The following NCAM1 variants were observed in gnomAD, a reference collection of about 807,000 sequenced individuals.
The protein encoded by NCAM1 is neural cell adhesion molecule 1, also known as antigen recognized by monoclonal antibody 5.1H11.
NCAM1 carries 14 observed loss-of-function variants against 109.8 expected under a neutral mutation model. The ratio of observed to expected loss-of-function variants is 0.13; its 90% CI spans 0.08 to 0.20. The LOEUF (loss-of-function observed/expected upper bound fraction) is 0.20, where lower values mean the gene tolerates loss of function less well. Ranked by LOEUF, NCAM1 falls within the 10% of genes least tolerant of loss-of-function variation. NCAM1 has a pLI of 1.00. For missense variants in NCAM1, 774 were observed against 1,109.9 expected, an observed-to-expected ratio of 0.70 and a Z score of 4.30; for synonymous variants, 418 against 442.9, an observed-to-expected ratio of 0.94 and a Z score of 0.70.
intron 1 of NCAM1, among the ~76,000 whole-genome samples, chr11:113,194,857 A>C (rs1259340910): frequency 6.6e-6 from 1 of 152,166 alleles, no homozygotes; most frequent in Non-Finnish European, 1.5e-5. Flanking sequence ...GCTTCGTTAT[A>C]AACTTAGTTG....
chr11:113,052,032 T>A (rs565619086), intron 1 of NCAM1, among the ~76,000 whole-genome samples: 26 of 152,324 alleles, frequency 1.7e-4, no homozygotes, highest in African/African-American at 6.3e-4. Context: ...CTGTGTAGCA[T>A]CCAGGTGCAA....
At chr11:113,001,237 G>A (rs879998676) in intron 1 of NCAM1, among the ~76,000 whole-genome samples, 1 of 152,164 alleles carries the variant, frequency 6.6e-6, no homozygotes, top group Non-Finnish European at 1.5e-5. Flanking sequence ...ACTGTGAACA[G>A]CAAGCATGTA....
intron 1 of NCAM1, among the ~76,000 whole-genome samples, chr11:113,141,353 C>T (rs1555100360): frequency 2.0e-5 from 3 of 152,100 alleles, no homozygotes; most frequent in South Asian, 4.1e-4. Context: ...TGAAGCTGGC[C>T]GGGTGCAATG....
intron 1 of NCAM1, among the ~76,000 whole-genome samples, chr11:113,008,437 C>T (rs1328760697): frequency 3.3e-5 from 5 of 152,224 alleles, no homozygotes; most frequent in Non-Finnish European, 7.3e-5. Context: ...GCAGGATTAA[C>T]AATGACTCAT....
At chr11:113,262,062 T>C (rs1946019727) in intron 17 of NCAM1, among the ~76,000 whole-genome samples, 1 of 151,902 alleles carries the variant, frequency 6.6e-6, no homozygotes, top group Non-Finnish European at 1.5e-5. Context: ...TCTGAGAAGG[T>C]GGTGGCTGTG....
intron 14 of NCAM1, chr11:113,236,193 C>A: frequency 1.8e-6 from 2 of 1,140,806 alleles, no homozygotes; most frequent in Non-Finnish European, 2.6e-6. Flanking sequence ...GTTTCCAGCT[C>A]CATGTGCTCT....
At chr11:113,086,620 T>C (rs1565427850) in intron 1 of NCAM1, among the ~76,000 whole-genome samples, 1 of 152,274 alleles carries the variant, frequency 6.6e-6, no homozygotes, top group East Asian at 1.9e-4. Flanking sequence ...CATTTCACTG[T>C]CTCTTATTTA....
intron 1 of NCAM1, among the ~76,000 whole-genome samples, chr11:113,078,972 C>T (rs554662644): frequency 1.3e-5 from 2 of 152,284 alleles, no homozygotes; most frequent in South Asian, 2.1e-4. Flanking sequence ...CCGAGCCGGG[C>T]TGGCTACTGG....
chr11:113,232,570 T>C, intron 11 of NCAM1, 148 bp from the exon 12 acceptor site: 1 of 806,306 alleles, frequency 1.2e-6, no homozygotes, highest in South Asian at 1.8e-5. Context: ...CCCTCTGCTA[T>C]TCTTTTCTCT....
chr11:113,040,502 G>T (rs1264389419), intron 1 of NCAM1, among the ~76,000 whole-genome samples: 1 of 152,190 alleles, frequency 6.6e-6, no homozygotes, highest in Non-Finnish European at 1.5e-5. Context: ...CACAAAAGTA[G>T]CCATAGACAA....
At chr11:113,275,226 G>C in intron 19 of NCAM1, 41 bp from the exon 20 acceptor site, 1 of 1,611,434 alleles carries the variant, frequency 6.2e-7, no homozygotes, top group Non-Finnish European at 8.5e-7. Flanking sequence ...GATGTCTGCA[G>C]ACCGTGGTCT....
chr11:113,079,857 G>A (rs1198488996), intron 1 of NCAM1, among the ~76,000 whole-genome samples: 5 of 152,206 alleles, frequency 3.3e-5, no homozygotes, highest in South Asian at 4.1e-4. Flanking sequence ...AAACTATTTC[G>A]AGATTGGCAT....
At chr11:113,220,851 T>C (rs183071135) in intron 8 of NCAM1, among the ~76,000 whole-genome samples, 2,044 of 152,090 alleles carry the variant, frequency 0.013, 30 homozygotes, top group African/African-American at 0.039. Context: ...CCTCGTGATC[T>C]GCCTGCCTCG....
chr11:113,166,026 T>A (rs546240294), intron 1 of NCAM1, among the ~76,000 whole-genome samples: 1 of 151,732 alleles, frequency 6.6e-6, no homozygotes, highest in Admixed American at 6.6e-5. Flanking sequence ...AGAGACGGGG[T>A]TTCACCGTGT....
At chr11:112,965,896 G>C (rs969769165) in intron 1 of NCAM1, among the ~76,000 whole-genome samples, 5 of 152,126 alleles carry the variant, frequency 3.3e-5, no homozygotes, top group African/African-American at 1.2e-4. Context: ...ATGGAGAGCA[G>C]AACCAATTGG....
chr11:113,139,886 C>T (rs1356011600), intron 1 of NCAM1, among the ~76,000 whole-genome samples: 1 of 152,150 alleles, frequency 6.6e-6, no homozygotes, highest in African/African-American at 2.4e-5. Context: ...TAAAGAGGCT[C>T]AACATTGTTT....
At chr11:113,090,018 A>T (rs140258047) in intron 1 of NCAM1, among the ~76,000 whole-genome samples, 1 of 152,376 alleles carries the variant, frequency 6.6e-6, no homozygotes, top group Non-Finnish European at 1.5e-5. Flanking sequence ...CGAAAAGAGT[A>T]TCCTCAAAAT....
intron 12 of NCAM1, 44 bp downstream of exon 12, chr11:113,232,858 C>T (rs782354252): frequency 7.2e-6 from 11 of 1,520,168 alleles, no homozygotes; most frequent in South Asian, 1.1e-5. Context: ...CACAACCCCC[C>T]ACCTAACCCT....
At chr11:113,223,380 G>A (rs1157946674) in intron 9 of NCAM1, among the ~76,000 whole-genome samples, 1 of 152,022 alleles carries the variant, frequency 6.6e-6, no homozygotes, top group Non-Finnish European at 1.5e-5. Context: ...TCTTTAGAAG[G>A]CTGGTCTGTG....
Sources: gnomAD v4.1 joint callset for allele counts (sites outside exome capture counted in the v4.1 genomes callset) on GRCh38, gnomAD v4.1.1 for gene constraint, MANE v1.5 for transcripts, NCBI Gene and HGNC (gene_info 2026-07-23, HGNC 2026-07-21) for gene names.